The following FBN2 variants were observed in gnomAD, a reference collection of about 807,000 sequenced individuals.
FBN2 encodes fibrillin-2.
FBN2 carries 105 observed loss-of-function variants against 355.6 expected under a neutral mutation model. The observed-to-expected ratio is 0.30, with a 90% CI of 0.25 to 0.35. FBN2 has a LOEUF of 0.35. Ranked by LOEUF, FBN2 falls within the 10% of genes least tolerant of loss-of-function variation. The pLI is 1.00. For synonymous variants in FBN2, 1,350 were observed against 1,301.2 expected, an observed-to-expected ratio of 1.04 and a Z score of -0.81; for missense variants, 3,280 against 3,758.7, an observed-to-expected ratio of 0.87 and a Z score of 3.33.
In FBN2 at chr5:128,517,933, T is replaced by C. The variant is rs1756324609; in HGVS notation, c.628+1340A>G. Among the ~76,000 whole-genome samples the C allele has an allele frequency of 2.0e-5, 3 of 152,202 alleles. No individual in the cohort carries two copies. In the South Asian group the frequency reaches 6.2e-4, roughly 31 times the overall value. ...TAAATAACAATGAATGATTATGTAATATTAATTTTAGCTCAAGTTTGTTTT... is the reference window on the plus strand; with the variant it reads ...TAAATAACAATGAATGATTATGTAACATTAATTTTAGCTCAAGTTTGTTTT... On this transcript the variant is annotated intron_variant, in intron 5 of 64. Transcript: ENST00000262464.
intron 6 of FBN2, among the ~76,000 whole-genome samples, chr5:128,460,026 A>G (rs1257763270): frequency 6.6e-6 from 1 of 152,168 alleles, no homozygotes; most frequent in African/African-American, 2.4e-5. Context: ...GTCAAATTGT[A>G]TCTGTTTGCA....
chr5:128,523,531 C>T (rs967393861), intron 4 of FBN2, among the ~76,000 whole-genome samples: 25 of 152,084 alleles, frequency 1.6e-4, no homozygotes, highest in African/African-American at 5.8e-4. Context: ...TCGGTCTATA[C>T]GGTCCCAAAT....
At chr5:128,335,114 T>G in intron 30 of FBN2, 56 bp downstream of exon 30, 1 of 1,609,066 alleles carries the variant, frequency 6.2e-7, no homozygotes, top group Non-Finnish European at 8.5e-7. Flanking sequence ...TGTGTGTGCA[T>G]GTGGGTGTGT....
intron 4 of FBN2, among the ~76,000 whole-genome samples, chr5:128,520,899 G>A (rs1010507870): frequency 2.6e-5 from 4 of 151,880 alleles, no homozygotes; most frequent in African/African-American, 9.7e-5. Flanking sequence ...GGGCAGACTT[G>A]AAATATAAGT....
chr5:128,262,460 C>T (rs189846234), intron 63 of FBN2, among the ~76,000 whole-genome samples: 1 of 152,282 alleles, frequency 6.6e-6, no homozygotes, highest in Non-Finnish European at 1.5e-5. Context: ...CTTAGTTAGA[C>T]TGAAGTACTG....
At chr5:128,508,048 G>C (rs1424611573) in intron 5 of FBN2, among the ~76,000 whole-genome samples, 1 of 151,916 alleles carries the variant, frequency 6.6e-6, no homozygotes, top group Non-Finnish European at 1.5e-5. Context: ...ACTATTACTT[G>C]CTCTGAAATC....
chr5:128,307,566 A>C (rs541899500), intron 41 of FBN2, among the ~76,000 whole-genome samples: 17 of 152,222 alleles, frequency 1.1e-4, no homozygotes, highest in African/African-American at 4.1e-4. Context: ...GAGAAGTACA[A>C]ATTGAAAAAG....
At chr5:128,352,253 A>T (rs1751388622) in intron 20 of FBN2, among the ~76,000 whole-genome samples, 1 of 151,982 alleles carries the variant, frequency 6.6e-6, no homozygotes, top group African/African-American at 2.4e-5. Context: ...TAGTTCAAAA[A>T]GTAAATCATA....
intron 6 of FBN2, among the ~76,000 whole-genome samples, chr5:128,449,353 TA>T (rs1754160544): frequency 1.0e-5 from 1 of 100,440 alleles, no homozygotes; most frequent in Admixed American, 9.3e-5. Flanking sequence ...CATAGTATAC[TA>T]TATAGTATAC....
chr5:128,431,876 T>C (rs538332812), intron 7 of FBN2, among the ~76,000 whole-genome samples: 1 of 152,326 alleles, frequency 6.6e-6, no homozygotes, highest in South Asian at 2.1e-4. Flanking sequence ...CACAAGATGT[T>C]ATTACCTTAC....
At chr5:128,320,873 T>C (rs1050651282) in intron 34 of FBN2, among the ~76,000 whole-genome samples, 1 of 152,202 alleles carries the variant, frequency 6.6e-6, no homozygotes, top group Non-Finnish European at 1.5e-5. Flanking sequence ...TGAAATGTAA[T>C]TTTTAGACAG....
chr5:128,275,569 G>T (rs1207647563), intron 59 of FBN2, among the ~76,000 whole-genome samples: 3 of 151,646 alleles, frequency 2.0e-5, no homozygotes, highest in African/African-American at 7.3e-5. Flanking sequence ...AAATATATGA[G>T]TATAGTATTG....
At chr5:128,393,028 T>G in intron 10 of FBN2, 107 bp downstream of exon 10, 1 of 886,204 alleles carries the variant, frequency 1.1e-6, no homozygotes, top group Non-Finnish European at 1.9e-6. Flanking sequence ...CACACACATG[T>G]GCAAGTGTGT....
chr5:128,414,934 T>C (rs748134011), intron 7 of FBN2, among the ~76,000 whole-genome samples: 6 of 152,186 alleles, frequency 3.9e-5, no homozygotes, highest in Non-Finnish European at 5.9e-5. Context: ...TTTGGAGAAA[T>C]ATCTGTTCAA....
chr5:128,349,736 T>C (rs1345812016), intron 22 of FBN2, among the ~76,000 whole-genome samples: 1 of 152,188 alleles, frequency 6.6e-6, no homozygotes, highest in Non-Finnish European at 1.5e-5. Flanking sequence ...TAGCGATGTC[T>C]TCATGAAATT....
chr5:128,482,029 G>C (rs1225344571), intron 5 of FBN2, among the ~76,000 whole-genome samples: 1 of 152,078 alleles, frequency 6.6e-6, no homozygotes, highest in Admixed American at 6.6e-5. Flanking sequence ...TCAATTTCTG[G>C]GAAGTCTAAA....
At chr5:128,354,468 A>C (rs1197312603) in intron 20 of FBN2, among the ~76,000 whole-genome samples, 1 of 152,170 alleles carries the variant, frequency 6.6e-6, no homozygotes, top group Non-Finnish European at 1.5e-5. Context: ...TGGACAAAGA[A>C]TGATATGCTC....
chr5:128,277,376 A>T (rs768990559), intron 58 of FBN2, among the ~76,000 whole-genome samples: 4 of 152,230 alleles, frequency 2.6e-5, no homozygotes, highest in Non-Finnish European at 5.9e-5. Flanking sequence ...CCGCAGCTGG[A>T]AATTTTATTT....
intron 6 of FBN2, among the ~76,000 whole-genome samples, chr5:128,454,320 TTAAA>T (rs1490141004): frequency 6.6e-6 from 1 of 152,230 alleles, no homozygotes; most frequent in Non-Finnish European, 1.5e-5. Context: ...TCTGTTATCT[TTAAA>T]TAGGAGTTTC....
Sources: gnomAD v4.1 joint callset for allele counts (sites outside exome capture counted in the v4.1 genomes callset) on GRCh38, gnomAD v4.1.1 for gene constraint, MANE v1.5 for transcripts, NCBI Gene and HGNC (gene_info 2026-07-23, HGNC 2026-07-21) for gene names.